Variants in LRRC4C observed in about 807,000 individuals in gnomAD.
The protein encoded by LRRC4C is leucine-rich repeat-containing protein 4C.
In LRRC4C, 5 loss-of-function variants were observed where a neutral mutation model predicts 33.6. The ratio of observed to expected loss-of-function variants is 0.15; its 90% CI spans 0.08 to 0.31. LRRC4C has a LOEUF of 0.31. Ranked by LOEUF, LRRC4C falls within the 10% of genes least tolerant of loss-of-function variation. The probability of loss-of-function intolerance (pLI) is 1.00; values close to 1 mark genes in which losing one functional copy is unlikely to be tolerated. For synonymous variants in LRRC4C, 329 were observed against 302.0 expected, an observed-to-expected ratio of 1.09 and a Z score of -0.93; for missense variants, 560 against 796.7, an observed-to-expected ratio of 0.70 and a Z score of 3.58.
At chr11:40,388,264 T>G (rs1339940163) in intron 3 of LRRC4C, among the ~76,000 whole-genome samples, 1 of 152,152 alleles carries the variant, frequency 6.6e-6, no homozygotes. Context: ...GGTAATTCCT[T>G]GAGACCTGTC....
chr11:40,176,930 CTT>C (rs36015905), intron 5 of LRRC4C, among the ~76,000 whole-genome samples: 7 of 82,644 alleles, frequency 8.5e-5, no homozygotes, highest in South Asian at 4.3e-4. Context: ...CTGCCAGAGT[CTT>C]TTTTTTTTTT....
At chr11:40,808,543 ATAAAG>A (rs1395514656) in intron 2 of LRRC4C, among the ~76,000 whole-genome samples, 1 of 152,034 alleles carries the variant, frequency 6.6e-6, no homozygotes, top group African/African-American at 2.4e-5. Flanking sequence ...CTCTCCTGTT[ATAAAG>A]TAAAGGGTGC....
intron 3 of LRRC4C, among the ~76,000 whole-genome samples, chr11:40,352,159 C>CCT (rs753304441): frequency 8.4e-6 from 1 of 119,570 alleles, no homozygotes; most frequent in Non-Finnish European, 1.7e-5. Flanking sequence ...TCCTTCCTTC[C>CCT]TTCCTTCCCT....
chr11:41,104,795 C>A (rs1941399574), intron 1 of LRRC4C, among the ~76,000 whole-genome samples: 1 of 151,868 alleles, frequency 6.6e-6, no homozygotes, highest in South Asian at 2.1e-4. Flanking sequence ...GTACTGATTT[C>A]TGTTATGAAA....
At chr11:40,583,528 G>A (rs576973851) in intron 3 of LRRC4C, among the ~76,000 whole-genome samples, 6 of 152,126 alleles carry the variant, frequency 3.9e-5, no homozygotes, top group Non-Finnish European at 7.4e-5. Flanking sequence ...TTTGTTTGGC[G>A]TACCATACCT....
intron 1 of LRRC4C, among the ~76,000 whole-genome samples, chr11:41,425,056 C>A (rs1300200423): frequency 2.0e-5 from 3 of 152,016 alleles, no homozygotes; most frequent in Non-Finnish European, 2.9e-5. Flanking sequence ...AAAGGTTTCT[C>A]ATTTTCACTG....
intron 3 of LRRC4C, among the ~76,000 whole-genome samples, chr11:40,545,392 T>G (rs1369632604): frequency 1.3e-5 from 2 of 152,010 alleles, no homozygotes; most frequent in Non-Finnish European, 2.9e-5. Context: ...TGTAATTTTA[T>G]GAAAGAGTGG....
At chr11:41,008,969 A>T (rs1854965285) in intron 1 of LRRC4C, among the ~76,000 whole-genome samples, 1 of 152,068 alleles carries the variant, frequency 6.6e-6, no homozygotes, top group East Asian at 1.9e-4. Context: ...CTTCAATTGA[A>T]CTATTTTTAA....
chr11:41,264,094 A>ATT (rs879493710), intron 1 of LRRC4C, among the ~76,000 whole-genome samples: 5 of 48,894 alleles, frequency 1.0e-4, no homozygotes, highest in African/African-American at 3.0e-4. Context: ...CCTTTTTATT[A>ATT]ATTTTTTTTT....
intron 2 of LRRC4C, among the ~76,000 whole-genome samples, chr11:40,799,287 T>C (rs999452317): frequency 5.3e-5 from 8 of 152,160 alleles, no homozygotes; most frequent in Non-Finnish European, 1.2e-4. Context: ...TGATAATATA[T>C]GTGGATATAA....
rs866313459 is a variant in LRRC4C, at chr11:40,503,653, T to C, written c.-270+144489A>G. On this transcript the variant is annotated intron_variant, in intron 3 of 6. Coordinates refer to ENST00000528697, the MANE Select transcript of LRRC4C (RefSeq NM_001258419.2). ...ACTCAAAGATTGACAGGAACAAGGATGTTCTATGTCTACTTTCTTTCTTGA... is the reference window on the plus strand; with the variant it reads ...ACTCAAAGATTGACAGGAACAAGGACGTTCTATGTCTACTTTCTTTCTTGA... Among the ~76,000 whole-genome samples, 7 of 152,314 alleles carry C rather than the reference T, an allele frequency of 4.6e-5. No homozygotes were observed. In the South Asian group the frequency reaches 8.3e-4, roughly 18 times the overall value.
At chr11:41,005,717 C>A (rs1028684107) in intron 1 of LRRC4C, among the ~76,000 whole-genome samples, 12 of 152,166 alleles carry the variant, frequency 7.9e-5, no homozygotes, top group African/African-American at 2.4e-5. Context: ...GCCATTATTG[C>A]AAGTTTCCTG....
chr11:41,320,143 A>G (rs989565423), intron 1 of LRRC4C, among the ~76,000 whole-genome samples: 2 of 152,214 alleles, frequency 1.3e-5, no homozygotes, highest in African/African-American at 2.4e-5. Context: ...TCCAATTTAT[A>G]TAGTTATTCT....
At position 40,927,119 on chromosome 11, in the gene LRRC4C, T is replaced by C. The variant is rs540605769; in HGVS notation, c.-407+6516A>G. Among the ~76,000 whole-genome samples, 157 of 152,168 alleles carry C rather than the reference T, an allele frequency of 1.0e-3. 2 individuals carry two copies. Among genetic ancestry groups the C allele is most frequent in the Non-Finnish European group, 1.7e-3 (115 of 68,028 alleles). On this transcript the variant is annotated intron_variant, in intron 2 of 6. Coordinates refer to ENST00000528697, the MANE Select transcript of LRRC4C (RefSeq NM_001258419.2). The stretch of plus-strand genomic sequence containing the variant: ...AGTCAGGCACGGTGGCTCACGCCTG[T>C]AATCCCAGCACTTTGGGAGGCTGAG...
chr11:40,176,290 T>C (rs146231538), intron 5 of LRRC4C, among the ~76,000 whole-genome samples: 139 of 152,296 alleles, frequency 9.1e-4, no homozygotes, highest in African/African-American at 3.2e-3. Context: ...GGGACCTGAA[T>C]ACTTTTGCAT....
At chr11:40,949,511 G>T (rs542752282) in intron 1 of LRRC4C, among the ~76,000 whole-genome samples, 2,110 of 151,928 alleles carry the variant, frequency 0.014, 43 homozygotes, top group African/African-American at 0.047. Flanking sequence ...GACTAACAGC[G>T]GATCTCTCGG....
chr11:41,099,621 G>A (rs905082625), intron 1 of LRRC4C, among the ~76,000 whole-genome samples: 46 of 152,078 alleles, frequency 3.0e-4, no homozygotes, highest in African/African-American at 1.1e-3. Context: ...AGGCAAAAAG[G>A]CTTTCAAGAA....
intron 1 of LRRC4C, among the ~76,000 whole-genome samples, chr11:41,328,224 G>A (rs1339562133): frequency 6.6e-6 from 1 of 152,162 alleles, no homozygotes; most frequent in African/African-American, 2.4e-5. Context: ...CTATAGGCAT[G>A]TGTGGAAGAA....
At chr11:40,695,740 A>G (rs1225749679) in intron 2 of LRRC4C, among the ~76,000 whole-genome samples, 1 of 151,982 alleles carries the variant, frequency 6.6e-6, no homozygotes, top group East Asian at 1.9e-4. Context: ...CAGCAATTGC[A>G]TCACTCTGAC....
Sources: allele counts gnomAD v4.1 joint callset (sites outside exome capture counted in the v4.1 genomes callset), GRCh38; gene constraint gnomAD v4.1.1; transcripts MANE v1.5; gene names NCBI Gene and HGNC (gene_info 2026-07-23, HGNC 2026-07-21).